HOMER2: variants seen among roughly 807,000 people sequenced by gnomAD.
HOMER2 encodes homer protein homolog 2.
In HOMER2, 27 loss-of-function variants were observed where a neutral mutation model predicts 47.0. That is an observed-to-expected ratio of 0.57 (90% CI 0.42 to 0.79). The LOEUF (loss-of-function observed/expected upper bound fraction) is 0.79, where lower values mean the gene tolerates loss of function less well. HOMER2 is among the 30% of genes least tolerant of loss of function. HOMER2 has a pLI of 0.00. For synonymous variants in HOMER2, 161 were observed against 163.8 expected (o/e 0.98, Z 0.13); for missense variants, 443 against 435.0 (o/e 1.02, Z -0.16).
downstream of HOMER2, chr15:82,835,152 A>C (rs2051111188): frequency 6.6e-6 from 1 of 150,806 alleles, no homozygotes; most frequent in African/African-American, 2.4e-5. Flanking sequence ...TTTGAGACAG[A>C]GTCTTGCTCT....
intron 1 of HOMER2, among the ~76,000 whole-genome samples, chr15:82,947,224 A>C (rs1234771474): frequency 1.3e-5 from 2 of 152,226 alleles, no homozygotes; most frequent in East Asian, 1.9e-4. Context: ...ATTGCAGTCA[A>C]CTCAAACCCC....
Position 82,946,710 on chromosome 15 carries a change from CAAAG to C in HOMER2, c.5+5817_5+5820del, listed in dbSNP as rs532582402. ...GTGTATTTTATTAAAAAAACAAAAA[CAAAG>C]AAAGTCAACCAAAAGAGAATATTCA... On this transcript the variant is annotated intron_variant, in intron 1 of 8. Coordinates refer to ENST00000450735, the MANE Select transcript of HOMER2 (RefSeq NM_004839.4). Among the ~76,000 whole-genome samples, 529 of 152,228 alleles carry C rather than the reference CAAAG, an allele frequency of 3.5e-3. 3 individuals carry two copies. Among genetic ancestry groups the C allele is most frequent in the South Asian group, 0.017 (84 of 4,816 alleles).
chr15:82,963,402 T>C (rs2054647782), intron 1 of HOMER2, among the ~76,000 whole-genome samples: 1 of 152,086 alleles, frequency 6.6e-6, no homozygotes, highest in Admixed American at 6.5e-5. Context: ...CCATCTCTTC[T>C]GAAATGACAT....
At chr15:82,916,553 G>A (rs767992226) in intron 1 of HOMER2, among the ~76,000 whole-genome samples, 1 of 152,190 alleles carries the variant, frequency 6.6e-6, no homozygotes, top group Non-Finnish European at 1.5e-5. Context: ...AGGCAAGAGA[G>A]AGGCCAGTGT....
At chr15:82,837,806 A>AT (rs2151580601) in exon 2 of HOMER2, 2 of 152,380 alleles carry the variant, frequency 1.3e-5, no homozygotes, top group East Asian at 3.9e-4. Flanking sequence ...TGGGGAAAGT[A>AT]ATAGTCTTCT....
intron 1 of HOMER2, among the ~76,000 whole-genome samples, chr15:82,902,197 AT>A (rs35594463): frequency 0.014 from 1,881 of 134,980 alleles, 6 homozygotes; most frequent in Non-Finnish European, 0.018. Context: ...CATCCAAGTG[AT>A]TTTTTTTTTT....
intron 1 of HOMER2, among the ~76,000 whole-genome samples, chr15:82,938,931 C>A (rs1394582326): frequency 6.6e-6 from 1 of 152,174 alleles, no homozygotes; most frequent in Non-Finnish European, 1.5e-5. Context: ...AGTCTCATCA[C>A]CTCTCAGGCT....
intron 4 of HOMER2, 142 bp from the exon 5 acceptor site, chr15:82,859,277 G>A (rs991168774): frequency 8.1e-6 from 9 of 1,116,418 alleles, no homozygotes; most frequent in Admixed American, 4.8e-5. Context: ...CATCCAACCA[G>A]AATGCAGCAA....
At chr15:82,930,854 C>T (rs1413664904) in intron 1 of HOMER2, among the ~76,000 whole-genome samples, 2 of 152,106 alleles carry the variant, frequency 1.3e-5, no homozygotes, top group Admixed American at 6.5e-5. Context: ...AATGAAACCC[C>T]GTCTCTACTA....
At chr15:82,967,447 T>A (rs1673560049) in intron 1 of HOMER2, among the ~76,000 whole-genome samples, 1 of 151,786 alleles carries the variant, frequency 6.6e-6, no homozygotes, top group Non-Finnish European at 1.5e-5. Flanking sequence ...ATCCAGTGGG[T>A]GTGGGGAAGT....
intron 1 of HOMER2, among the ~76,000 whole-genome samples, chr15:82,946,723 C>T (rs1417486401): frequency 6.6e-6 from 1 of 152,144 alleles, no homozygotes; most frequent in African/African-American, 2.4e-5. Flanking sequence ...AGAAAGTCAA[C>T]CAAAAGAGAA....
chr15:82,936,830 G>A (rs1383121268), intron 1 of HOMER2, among the ~76,000 whole-genome samples: 1 of 152,002 alleles, frequency 6.6e-6, no homozygotes, highest in African/African-American at 2.4e-5. Context: ...AAGTGTGTGA[G>A]GTGTGAGCCA....
At chr15:82,859,003 G>T in intron 5 of HOMER2, 26 bp downstream of exon 5, 1 of 1,601,818 alleles carries the variant, frequency 6.2e-7, no homozygotes, top group Non-Finnish European at 8.5e-7. Flanking sequence ...GGAGAAAATA[G>T]AATCTGGACT....
intron 1 of HOMER2, among the ~76,000 whole-genome samples, chr15:82,915,414 A>G (rs2053560339): frequency 6.6e-6 from 1 of 152,178 alleles, no homozygotes; most frequent in Admixed American, 6.5e-5. Flanking sequence ...TCACACATCC[A>G]AAGTCTCAGA....
chr15:82,860,885 C>T (rs2051749654), intron 4 of HOMER2, among the ~76,000 whole-genome samples: 1 of 149,018 alleles, frequency 6.7e-6, no homozygotes, highest in Non-Finnish European at 1.5e-5. Flanking sequence ...TGCAGTGAGC[C>T]GAGATCACGC....
At chr15:82,918,602 T>C (rs1301884136) in intron 1 of HOMER2, among the ~76,000 whole-genome samples, 2 of 152,130 alleles carry the variant, frequency 1.3e-5, no homozygotes, top group African/African-American at 4.8e-5. Context: ...TGATGACACC[T>C]GAATGTGTAC....
At chr15:82,860,955 AT>A (rs367671904) in intron 4 of HOMER2, among the ~76,000 whole-genome samples, 25,285 of 63,446 alleles carry the variant, frequency 0.4, 4,241 homozygotes, top group East Asian at 0.58. Context: ...AAGATAGAAG[AT>A]GAGAGAGAGA....
At chr15:82,901,051 G>C (rs2053098855) in intron 1 of HOMER2, among the ~76,000 whole-genome samples, 1 of 152,128 alleles carries the variant, frequency 6.6e-6, no homozygotes, top group African/African-American at 2.4e-5. Flanking sequence ...CAGTTTTTAA[G>C]GAGCTTTGAA....
upstream of HOMER2, among the ~76,000 whole-genome samples, chr15:82,954,734 T>G (rs1444517142): frequency 6.6e-6 from 1 of 152,240 alleles, no homozygotes; most frequent in East Asian, 1.9e-4. Flanking sequence ...TATAAAACAA[T>G]GTTTATCCTC....
Sources: allele counts gnomAD v4.1 joint callset (sites outside exome capture counted in the v4.1 genomes callset), GRCh38; gene constraint gnomAD v4.1.1; transcripts MANE v1.5; gene names NCBI Gene and HGNC (gene_info 2026-07-23, HGNC 2026-07-21).